Variants in SLC23A2 observed in about 807,000 individuals in gnomAD.
SLC23A2 encodes Na(+)/L-ascorbic acid transporter 2.
A neutral mutation model predicts 73.3 loss-of-function variants in SLC23A2; 36 were observed. The ratio of observed to expected loss-of-function variants is 0.49; its 90% CI spans 0.38 to 0.65. The LOEUF is 0.65. Ranked by LOEUF, SLC23A2 falls within the 30% of genes least tolerant of loss-of-function variation. SLC23A2 has a pLI of 0.00. For synonymous variants in SLC23A2, 343 were observed against 327.3 expected, an observed-to-expected ratio of 1.05 and a Z score of -0.52; for missense variants, 507 against 841.6, an observed-to-expected ratio of 0.60 and a Z score of 4.92.
At chr20:4,874,502 C>T in intron 10 of SLC23A2, 74 bp downstream of exon 10, 3 of 1,441,310 alleles carry the variant, frequency 2.1e-6, no homozygotes, top group South Asian at 2.7e-5. Flanking sequence ...TGCTTAAAAC[C>T]CTCCCTTCAC....
At chr20:4,898,584 G>A (rs532825697) in intron 6 of SLC23A2, among the ~76,000 whole-genome samples, 1 of 152,242 alleles carries the variant, frequency 6.6e-6, no homozygotes, top group Non-Finnish European at 1.5e-5. Context: ...TTCCTGAGCA[G>A]TGCCCTGGGG....
intron 1 of SLC23A2, among the ~76,000 whole-genome samples, chr20:4,990,317 G>C (rs2087904933): frequency 6.6e-6 from 1 of 152,070 alleles, no homozygotes; most frequent in Non-Finnish European, 1.5e-5. Flanking sequence ...CTGGGAGCTG[G>C]AGGCCAGCCT....
rs551032108 is a variant in SLC23A2, at chr20:4,983,960, G to GA, written c.-281-13042dup. Reference sequence around the variant, plus strand: ...AACAAGAGTAAAACTGTGTCTAAAAGAAAAAAAAAAAGACACAGCAAGAAA... The same window carrying GA: ...AACAAGAGTAAAACTGTGTCTAAAAGAAAAAAAAAAAAGACACAGCAAGAAA... On this transcript the variant is annotated intron_variant, in intron 1 of 16. Transcript: ENST00000338244. Among the ~76,000 whole-genome samples the GA allele has an allele frequency of 0.013, 1,643 of 124,860 alleles. 58 individuals are homozygous for GA. The South Asian group carries it at 0.17, about 13-fold the overall frequency. The allele number at this position is 124,860 out of a possible 152,430, so 81.9% of individuals were successfully genotyped here. A position where few individuals can be genotyped will look rare whatever the true frequency, so the allele number is the denominator to read the frequency against.
At chr20:4,920,733 A>G (rs1212374084) in intron 3 of SLC23A2, among the ~76,000 whole-genome samples, 1 of 152,172 alleles carries the variant, frequency 6.6e-6, no homozygotes, top group Non-Finnish European at 1.5e-5. Context: ...AGATACAGAC[A>G]CTTCCTTCTA....
intron 3 of SLC23A2, among the ~76,000 whole-genome samples, chr20:4,918,012 G>A (rs1256306026): frequency 6.6e-6 from 1 of 152,028 alleles, no homozygotes; most frequent in African/African-American, 2.4e-5. Flanking sequence ...AAAATCAAAT[G>A]GTAAAAATCA....
At chr20:4,923,882 A>G (rs1932580022) in intron 3 of SLC23A2, among the ~76,000 whole-genome samples, 1 of 152,144 alleles carries the variant, frequency 6.6e-6, no homozygotes, top group Non-Finnish European at 1.5e-5. Flanking sequence ...CTGTCATCAC[A>G]TAGTCAGGGG....
At chr20:4,988,711 A>G (rs1249065167) in intron 1 of SLC23A2, among the ~76,000 whole-genome samples, 40 of 147,674 alleles carry the variant, frequency 2.7e-4, no homozygotes, top group Admixed American at 2.5e-3. Flanking sequence ...ACTCCAGCCT[A>G]GCGATAGAGA....
chr20:4,870,302 G>T (rs1930392557), intron 11 of SLC23A2, among the ~76,000 whole-genome samples: 1 of 152,208 alleles, frequency 6.6e-6, no homozygotes. Context: ...ATCGTAGCCG[G>T]ATGCGGTGGC....
intron 2 of SLC23A2, among the ~76,000 whole-genome samples, chr20:4,954,036 C>A (rs1349445817): frequency 6.6e-6 from 1 of 152,078 alleles, no homozygotes; most frequent in Admixed American, 6.5e-5. Flanking sequence ...GAAAGGATGT[C>A]ATTTTACATT....
At chr20:4,983,110 A>G (rs1044785325) in intron 1 of SLC23A2, among the ~76,000 whole-genome samples, 9 of 152,034 alleles carry the variant, frequency 5.9e-5, no homozygotes, top group Admixed American at 5.2e-4. Flanking sequence ...CATCTCAAAA[A>G]AAAGAAAAAG....
intron 4 of SLC23A2, among the ~76,000 whole-genome samples, chr20:4,908,309 A>C (rs1932027025): frequency 6.6e-6 from 1 of 152,222 alleles, no homozygotes; most frequent in South Asian, 2.1e-4. Context: ...GGATAAAACT[A>C]CAGTGACGAA....
In SLC23A2 at chr20:4,932,735, G is replaced by A; in HGVS notation, c.-154-19C>T. On this transcript the variant is annotated intron_variant, in intron 2 of 16. Coordinates refer to ENST00000338244, the MANE Select transcript of SLC23A2 (RefSeq NM_005116.6). ...TTAGCACCTAGAAAAGAAGAGCACA[G>A]CCAAATCACCCCAAAGCATGAAAAC... is the stretch of plus-strand genomic sequence containing the variant. 5.2e-6 allele frequency: 3 copies of A among 581,700 alleles called. No homozygotes were observed. The highest frequency in any genetic ancestry group is 9.2e-6 in the Non-Finnish European group (3 of 327,342). The allele number at this position is 581,700 out of a possible 1,614,324, so 36.0% of individuals were successfully genotyped here. A position where few individuals can be genotyped will look rare whatever the true frequency, so the allele number is the denominator to read the frequency against.
chr20:4,867,559 C>T (rs916162700), intron 13 of SLC23A2, among the ~76,000 whole-genome samples: 1 of 149,348 alleles, frequency 6.7e-6, no homozygotes, highest in African/African-American at 2.5e-5. Flanking sequence ...GGAATGACAG[C>T]ACTGAGTGCC....
At chr20:4,940,445 T>C (rs1322608865) in intron 2 of SLC23A2, among the ~76,000 whole-genome samples, 1 of 151,464 alleles carries the variant, frequency 6.6e-6, no homozygotes, top group African/African-American at 2.4e-5. Context: ...GAAAACAAAG[T>C]AACTATTAGT....
At chr20:4,991,774 T>C (rs1179844283) in intron 1 of SLC23A2, among the ~76,000 whole-genome samples, 8 of 149,604 alleles carry the variant, frequency 5.3e-5, no homozygotes, top group African/African-American at 1.7e-4. Context: ...AAAAGTAATC[T>C]ATAGACCACA....
At chr20:4,878,527 T>A (rs779915636) in intron 9 of SLC23A2, among the ~76,000 whole-genome samples, 1 of 152,214 alleles carries the variant, frequency 6.6e-6, no homozygotes, top group Non-Finnish European at 1.5e-5. Flanking sequence ...AATGTGTCAA[T>A]AGTAAAATCT....
At chr20:4,881,440 A>C (rs1947450899) in intron 9 of SLC23A2, among the ~76,000 whole-genome samples, 1 of 152,126 alleles carries the variant, frequency 6.6e-6, no homozygotes, top group African/African-American at 2.4e-5. Context: ...TTGGTTACTT[A>C]AGTTTTCTGA....
intron 6 of SLC23A2, among the ~76,000 whole-genome samples, chr20:4,893,291 C>T (rs758365951): frequency 1.3e-5 from 2 of 152,090 alleles, no homozygotes; most frequent in African/African-American, 4.8e-5. Context: ...TCTCAAACTC[C>T]TGGGCTTAAG....
chr20:4,976,032 T>C (rs910749426), intron 1 of SLC23A2, among the ~76,000 whole-genome samples: 2 of 151,712 alleles, frequency 1.3e-5, no homozygotes, highest in Non-Finnish European at 2.9e-5. Context: ...TTTTTATATT[T>C]TTAGTAGAGA....
Sources: allele counts gnomAD v4.1 joint callset (sites outside exome capture counted in the v4.1 genomes callset), GRCh38; gene constraint gnomAD v4.1.1; transcripts MANE v1.5; gene names NCBI Gene and HGNC (gene_info 2026-07-23, HGNC 2026-07-21).